CCDC60: variants seen among roughly 807,000 people sequenced by gnomAD.
The protein encoded by CCDC60 is coiled-coil domain containing 60.
In CCDC60, 54 loss-of-function variants were observed where a neutral mutation model predicts 63.5. The ratio of observed to expected loss-of-function variants is 0.85; its 90% CI spans 0.68 to 1.07. The LOEUF (loss-of-function observed/expected upper bound fraction) is 1.07. CCDC60 is among the 50% of genes least tolerant of loss of function. CCDC60 has a pLI of 0.00. For synonymous variants in CCDC60, 206 were observed against 238.8 expected (o/e 0.86, Z 1.27); for missense variants, 651 against 684.3 (o/e 0.95, Z 0.54).
At chr12:119,335,369 G>C in intron 1 of CCDC60, 103 bp downstream of exon 1, 1 of 801,804 alleles carries the variant, frequency 1.2e-6, no homozygotes, top group Non-Finnish European at 2.0e-6. Context: ...CTGAGGAATC[G>C]CCACACTGAC....
intron 6 of CCDC60, among the ~76,000 whole-genome samples, chr12:119,503,893 C>G (rs1951921947): frequency 6.6e-6 from 1 of 152,138 alleles, no homozygotes; most frequent in Non-Finnish European, 1.5e-5. Context: ...GTGTCAAACA[C>G]TACGAATTTC....
rs7977946 is a variant in CCDC60, at chr12:119,380,396, G to A, written c.90+45130G>A. Among the ~76,000 whole-genome samples the A allele has an allele frequency of 6.7e-3, 1,017 of 152,260 alleles. 7 individuals are homozygous for A. The highest frequency in any genetic ancestry group is 0.023 in the African/African-American group (964 of 41,554). On this transcript the variant is annotated intron_variant, in intron 1 of 13. Coordinates refer to ENST00000327554, the MANE Select transcript of CCDC60 (RefSeq NM_178499.5). ...AAATCAGGGCCTTTCCTTCTCCCCT[G>A]GAGAGCAGATTGTTAAGCATTTGCC... is the stretch of plus-strand genomic sequence containing the variant.
rs188807196 is a variant in CCDC60, at chr12:119,406,196, T to G, written c.91-22487T>G. On this transcript the variant is annotated intron_variant, in intron 1 of 13. Transcript: ENST00000327554. ...CAAAAAATATATATATATATAGATATATATATATAGAGAGAGAGAGAGAGA... is the reference window on the plus strand; with the variant it reads ...CAAAAAATATATATATATATAGATAGATATATATAGAGAGAGAGAGAGAGA... Among the ~76,000 whole-genome samples the G allele has an allele frequency of 5.8e-5, 7 of 120,162 alleles. No individual in the cohort carries two copies. The East Asian group carries it at 1.3e-3, about 23-fold the overall frequency. The allele number at this position is 120,162 out of a possible 152,430, so 78.8% of individuals were successfully genotyped here.
intron 1 of CCDC60, among the ~76,000 whole-genome samples, chr12:119,408,995 T>A (rs1956545097): frequency 6.6e-6 from 1 of 152,156 alleles, no homozygotes; most frequent in Non-Finnish European, 1.5e-5. Flanking sequence ...TGTAACCTCA[T>A]CTCAGAAGGG....
intron 2 of CCDC60, among the ~76,000 whole-genome samples, chr12:119,448,464 T>C (rs1950578716): frequency 6.6e-6 from 1 of 152,166 alleles, no homozygotes; most frequent in South Asian, 2.1e-4. Context: ...CTTGTAGGAA[T>C]TACATGATGT....
chr12:119,482,101 CATATATACACACATATATATACAT>C (rs1951339686), intron 4 of CCDC60, among the ~76,000 whole-genome samples: 1 of 142,426 alleles, frequency 7.0e-6, no homozygotes, highest in African/African-American at 2.7e-5. Flanking sequence ...TATATATACA[CATATATACACACATATATATACAT>C]ATATATACAC....
intron 2 of CCDC60, among the ~76,000 whole-genome samples, chr12:119,443,600 TA>T (rs1428933300): frequency 6.6e-6 from 1 of 152,226 alleles, no homozygotes; most frequent in Non-Finnish European, 1.5e-5. Context: ...GCAGGCAGTT[TA>T]AACCCCATTG....
At chr12:119,440,682 G>A (rs1281087432) in intron 2 of CCDC60, among the ~76,000 whole-genome samples, 9 of 152,128 alleles carry the variant, frequency 5.9e-5, no homozygotes, top group African/African-American at 1.9e-4. Context: ...TCTCAGGATC[G>A]ACACCTGTGA....
intron 3 of CCDC60, among the ~76,000 whole-genome samples, chr12:119,478,189 C>T (rs1389506624): frequency 2.0e-5 from 3 of 152,024 alleles, no homozygotes. Flanking sequence ...GTGGCACATG[C>T]CTGTAATCCC....
intron 1 of CCDC60, among the ~76,000 whole-genome samples, chr12:119,411,456 G>T (rs576103683): frequency 2.0e-5 from 3 of 151,256 alleles, no homozygotes; most frequent in African/African-American, 7.3e-5. Flanking sequence ...GCAGTGAGCC[G>T]AGATCACACC....
rs1003745808 is a variant in CCDC60 at position 119,449,850 on chromosome 12, A to T, written c.170+21088A>T. ...GCGGGGGCGGGCAGGTAAGGCTCATACCTAATCAAGTTCTAAAGGATGAGT... is the reference window on the plus strand; with the variant it reads ...GCGGGGGCGGGCAGGTAAGGCTCATTCCTAATCAAGTTCTAAAGGATGAGT... On this transcript the variant is annotated intron_variant, in intron 2 of 13. Transcript: ENST00000327554. 2.6e-5 allele frequency among the ~76,000 whole-genome samples: 4 copies of T among 152,164 alleles called. No homozygotes were observed. The South Asian group carries it at 8.3e-4, about 32-fold the overall frequency.
intron 8 of CCDC60, among the ~76,000 whole-genome samples, chr12:119,519,347 C>G (rs804441): frequency 6.6e-6 from 1 of 151,056 alleles, no homozygotes; most frequent in African/African-American, 2.4e-5. Context: ...CAAATTTCTA[C>G]GCCTCCTCAT....
intron 11 of CCDC60, chr12:119,524,489 A>C (rs2711744): frequency 3.3e-5 from 32 of 973,556 alleles, no homozygotes; most frequent in Admixed American, 2.5e-4. Context: ...TCACAGCACT[A>C]ATGGGCTGAA....
In CCDC60 at chr12:119,420,408, T is replaced by G. The variant is rs1956791613; in HGVS notation, c.91-8275T>G. Among the ~76,000 whole-genome samples, 1 of 152,118 alleles carries G rather than the reference T, an allele frequency of 6.6e-6. No homozygotes were observed. Among genetic ancestry groups the G allele is most frequent in the South Asian group, 2.1e-4 (1 of 4,826 alleles). On this transcript the variant is annotated intron_variant, in intron 1 of 13. Transcript: ENST00000327554. The surrounding 1 kb of genome is among the most constrained non-coding windows in gnomAD (Gnocchi z 4.1). ...TGAGATCCAGTTATTTGCAACAACA[T>G]GGATGGAACTGGAGATCATTATGTT...
intron 8 of CCDC60, 47 bp downstream of exon 8, chr12:119,516,754 A>T (rs753502521): frequency 1.5e-6 from 2 of 1,325,772 alleles, no homozygotes; most frequent in South Asian, 2.4e-5. Flanking sequence ...GAATAATAGC[A>T]ATCACATTAA....
chr12:119,474,064 G>A (rs1382733351), intron 3 of CCDC60, among the ~76,000 whole-genome samples: 1 of 152,114 alleles, frequency 6.6e-6, no homozygotes, highest in African/African-American at 2.4e-5. Flanking sequence ...CACAGTGGTT[G>A]TACTAGTTTA....
chr12:119,464,402 C>T (rs1950915144), intron 2 of CCDC60, among the ~76,000 whole-genome samples: 1 of 148,534 alleles, frequency 6.7e-6, no homozygotes. Context: ...CTCCCCTTTC[C>T]TCTTCCTCCC....
At chr12:119,454,174 A>C (rs1009092699) in intron 2 of CCDC60, among the ~76,000 whole-genome samples, 2 of 152,168 alleles carry the variant, frequency 1.3e-5, no homozygotes, top group Non-Finnish European at 2.9e-5. Flanking sequence ...TATTTTTCTC[A>C]TGTAATACTT....
chr12:119,500,404 G>C (rs114007573), intron 6 of CCDC60, among the ~76,000 whole-genome samples: 6 of 152,036 alleles, frequency 3.9e-5, no homozygotes, highest in Non-Finnish European at 8.8e-5. Context: ...GGGACAGGAG[G>C]GGGTGCTAAG....
Sources: allele counts gnomAD v4.1 joint callset (sites outside exome capture counted in the v4.1 genomes callset), GRCh38; gene constraint gnomAD v4.1.1; non-coding constraint Gnocchi (gnomAD v3.1); transcripts MANE v1.5; gene names NCBI Gene and HGNC (gene_info 2026-07-23, HGNC 2026-07-21).